RFWD3: variants seen among roughly 807,000 people sequenced by gnomAD.
RFWD3 encodes ring finger and WD repeat domain 3.
Under a neutral mutation model 87.7 loss-of-function variants are expected in RFWD3, and 65 were observed. That is an observed-to-expected ratio of 0.74 (90% CI 0.61 to 0.91). The LOEUF is 0.91. Ranked by LOEUF, RFWD3 falls within the 40% of genes least tolerant of loss-of-function variation. RFWD3 has a pLI of 0.00. For missense variants in RFWD3, 1,078 were observed against 938.5 expected (o/e 1.15, Z -1.94); for synonymous variants, 433 against 352.8 (o/e 1.23, Z -2.55).
intron 4 of RFWD3, among the ~76,000 whole-genome samples, chr16:74,648,556 A>G (rs1960336418): frequency 6.7e-6 from 1 of 148,766 alleles, no homozygotes. Context: ...GTGGATCACA[A>G]GGTCAGGAGT....
Position 74,651,967 on chromosome 16 carries a change from C to T in RFWD3, c.674G>A (p.Gly225Glu). Residue 225 changes from glycine to glutamate, a missense_variant, in exon 3 of 13, where the codon GGA becomes GAA. By Grantham distance (98) the Gly-to-Glu change is moderately conservative. Coordinates refer to ENST00000361070, the MANE Select transcript of RFWD3 (RefSeq NM_018124.4). ...DSDSDSSAEY[G>E]GVVDQAEESG... ...TTCCTCTGCCTGGTCAACAACCCCT[C>T]CATACTCTGCAGAGCTGTCACTGTC... 1 of 1,614,044 alleles carries T rather than the reference C, an allele frequency of 6.2e-7. No homozygotes were observed. Among genetic ancestry groups the T allele is most frequent in the Non-Finnish European group, 8.5e-7 (1 of 1,179,948 alleles).
intron 2 of RFWD3, among the ~76,000 whole-genome samples, chr16:74,655,509 A>G (rs1960902578): frequency 1.3e-5 from 2 of 149,938 alleles, no homozygotes; most frequent in South Asian, 4.2e-4. Flanking sequence ...GGCCTCCCAA[A>G]GTCCTGGGAT....
chr16:74,627,591 T>A (rs762540126), intron 11 of RFWD3, among the ~76,000 whole-genome samples: 6 of 152,176 alleles, frequency 3.9e-5, no homozygotes, highest in Admixed American at 6.5e-5. Context: ...CCTAACTTGT[T>A]TCCTAGTCAG....
In RFWD3 at chr16:74,644,529, T is replaced by C; in HGVS notation, c.987+12A>G. ...CTTAACATGTTAATGTGTCCTTACCTATGGTCCTTACCTGGGGACATTTTC... is the reference window on the plus strand; with the variant it reads ...CTTAACATGTTAATGTGTCCTTACCCATGGTCCTTACCTGGGGACATTTTC... On this transcript the variant is annotated intron_variant, in intron 5 of 12. Coordinates refer to ENST00000361070, the MANE Select transcript of RFWD3 (RefSeq NM_018124.4). The C allele has an allele frequency of 1.2e-6, 2 of 1,614,178 alleles. No homozygotes were observed. The highest frequency in any genetic ancestry group is 1.7e-6 in the Non-Finnish European group (2 of 1,179,978).
In RFWD3 at chr16:74,636,406, A is replaced by T; in HGVS notation, c.1366T>A (p.Cys456Ser). The T allele has an allele frequency of 1.2e-6, 2 of 1,614,220 alleles. No individual in the cohort carries two copies. Among genetic ancestry groups the T allele is most frequent in the Non-Finnish European group, 1.7e-6 (2 of 1,180,028 alleles). ...QAGNCRIMAY[C>S]DALSCLVISQ... is the part of the protein sequence containing the mutation. ...ATCACCAGGCAGCTCAGAGCATCAC[A>T]GTATGCCATGATCCGGCAGTTTCCT... The change falls in exon 8 of 13, where the codon TGT becomes AGT. Residue 456 changes from cysteine (C) to serine (S), a missense_variant. Transcript: ENST00000361070.
At chr16:74,666,692 T>C (rs1413560147) in intron 1 of RFWD3, 94 bp downstream of exon 1, 1 of 152,198 alleles carries the variant, frequency 6.6e-6, no homozygotes, top group African/African-American at 2.4e-5. Flanking sequence ...CCTCGTGGGG[T>C]GTCTCCTGAA....
chr16:74,631,463 A>ACTCACTCT (rs1555525202), intron 9 of RFWD3, among the ~76,000 whole-genome samples: 3 of 150,160 alleles, frequency 2.0e-5, no homozygotes, highest in Non-Finnish European at 3.0e-5. Context: ...ACAGAGTGAG[A>ACTCACTCT]CTCTCTCTCT....
Position 74,636,407 on chromosome 16 carries a change from G to T in RFWD3, c.1365C>A (p.Tyr455Ter). 1 of 1,614,210 alleles carries T rather than the reference G, an allele frequency of 6.2e-7. No individual in the cohort carries two copies. The highest frequency in any genetic ancestry group is 8.5e-7 in the Non-Finnish European group (1 of 1,180,030). The change falls in exon 8 of 13, where the codon TAC becomes TAA. Residue 455 changes from tyrosine (Y) to a stop codon, truncating the protein, a stop_gained. Transcript: ENST00000361070. LOFTEE classifies it high-confidence loss of function. ...TCACCAGGCAGCTCAGAGCATCACA[G>T]TATGCCATGATCCGGCAGTTTCCTG... The part of the protein sequence containing the change: ...SQAGNCRIMA[Y>*]CDALSCLVIS...
chr16:74,637,143 AAAC>A (rs1222769703), intron 7 of RFWD3, among the ~76,000 whole-genome samples: 1 of 150,296 alleles, frequency 6.7e-6, no homozygotes, highest in Non-Finnish European at 1.5e-5. Flanking sequence ...AAAAAAAAAA[AAAC>A]AACTTAAAAG....
intron 2 of RFWD3, among the ~76,000 whole-genome samples, chr16:74,657,338 A>G (rs765674281): frequency 6.6e-6 from 1 of 152,166 alleles, no homozygotes; most frequent in Non-Finnish European, 1.5e-5. Context: ...CTGGATTGCT[A>G]TAAGCATTTG....
At chr16:74,666,276 T>C (rs561543394) in intron 1 of RFWD3, 1 of 152,326 alleles carries the variant, frequency 6.6e-6, no homozygotes, top group African/African-American at 2.4e-5. Flanking sequence ...TGGGGAAACT[T>C]TGGGCGGGTT....
At chr16:74,665,360 G>T (rs975216428) in intron 1 of RFWD3, 2 of 152,264 alleles carry the variant, frequency 1.3e-5, no homozygotes, top group African/African-American at 4.8e-5. Flanking sequence ...GCCGAGGGCA[G>T]ACCACTTGAG....
At chr16:74,653,761 G>A (rs1597450107) in intron 2 of RFWD3, among the ~76,000 whole-genome samples, 1 of 152,170 alleles carries the variant, frequency 6.6e-6, no homozygotes, top group Non-Finnish European at 1.5e-5. Flanking sequence ...CAGAAACATT[G>A]TTGAGGACTG....
At chr16:74,666,587 C>T (rs1339478041) in intron 1 of RFWD3, 199 bp downstream of exon 1, 3 of 152,272 alleles carry the variant, frequency 2.0e-5, no homozygotes, top group Non-Finnish European at 4.4e-5. Flanking sequence ...CCCAGATACG[C>T]GCGGGGGTTC....
chr16:74,657,010 C>T (rs1404915540), intron 2 of RFWD3, among the ~76,000 whole-genome samples: 2 of 152,168 alleles, frequency 1.3e-5, no homozygotes, highest in African/African-American at 4.8e-5. Context: ...TATTGCTTAT[C>T]CCACTGAATA....
At chr16:74,627,436 G>A (rs1163883178) in intron 11 of RFWD3, among the ~76,000 whole-genome samples, 2 of 151,784 alleles carry the variant, frequency 1.3e-5, no homozygotes, top group African/African-American at 4.8e-5. Flanking sequence ...GAGCAGGCCT[G>A]TCCTGGATGG....
intron 2 of RFWD3, among the ~76,000 whole-genome samples, chr16:74,660,008 T>C (rs1474131481): frequency 1.3e-5 from 2 of 150,228 alleles, no homozygotes; most frequent in African/African-American, 4.9e-5. Flanking sequence ...TGAGCTGTGA[T>C]TGCACCACTG....
intron 10 of RFWD3, 42 bp from the exon 11 acceptor site, chr16:74,628,708 T>C: frequency 6.3e-7 from 1 of 1,591,366 alleles, no homozygotes; most frequent in Non-Finnish European, 8.6e-7. Context: ...ACTCCAAAAC[T>C]CGGACGGCTC....
chr16:74,635,177 G>C (rs1381811654), intron 8 of RFWD3, among the ~76,000 whole-genome samples: 1 of 152,062 alleles, frequency 6.6e-6, no homozygotes, highest in Non-Finnish European at 1.5e-5. Flanking sequence ...CTACTCAGGA[G>C]GCTGAGGCAG....
Sources: gnomAD v4.1 joint callset for allele counts (sites outside exome capture counted in the v4.1 genomes callset) on GRCh38, gnomAD v4.1.1 for gene constraint, MANE v1.5 for transcripts, NCBI Gene and HGNC (gene_info 2026-07-23, HGNC 2026-07-21) for gene names.